LAMC3: variants seen among roughly 807,000 people sequenced by gnomAD.
The protein encoded by LAMC3 is laminin subunit gamma-3.
A neutral mutation model predicts 173.8 loss-of-function variants in LAMC3; 128 were observed. The ratio of observed to expected loss-of-function variants is 0.74; its 90% CI spans 0.64 to 0.85. The LOEUF is 0.85. Ranked by LOEUF, LAMC3 falls within the 40% of genes least tolerant of loss-of-function variation. The pLI is 0.00. For missense variants in LAMC3, 2,022 were observed against 2,156.0 expected (o/e 0.94, Z 1.23); for synonymous variants, 897 against 909.1 (o/e 0.99, Z 0.24).
chr9:131,064,058 C>A (rs558034760), intron 13 of LAMC3, among the ~76,000 whole-genome samples: 1 of 152,236 alleles, frequency 6.6e-6, no homozygotes, highest in African/African-American at 2.4e-5. Context: ...CAGGCATGCA[C>A]CACCATGCCC....
At chr9:131,035,057 TCTC>T (rs1453508613) in intron 3 of LAMC3, among the ~76,000 whole-genome samples, 1 of 152,180 alleles carries the variant, frequency 6.6e-6, no homozygotes, top group Non-Finnish European at 1.5e-5. Context: ...TCCAAGCAAT[TCTC>T]CTGCTTCAGC....
chr9:131,044,961 G>T (rs1834121385), intron 7 of LAMC3, among the ~76,000 whole-genome samples: 1 of 152,106 alleles, frequency 6.6e-6, no homozygotes, highest in African/African-American at 2.4e-5. Flanking sequence ...GGTGGCTCAA[G>T]CCTGAAATCC....
intron 1 of LAMC3, among the ~76,000 whole-genome samples, chr9:131,020,290 T>C (rs1423297542): frequency 6.6e-6 from 1 of 152,058 alleles, no homozygotes; most frequent in Non-Finnish European, 1.5e-5. Context: ...TTCTTGTTCT[T>C]CCTCTCCCAG....
At position 131,087,611 on chromosome 9, in the gene LAMC3, G is replaced by C. The variant is rs1409946447; in HGVS notation, c.4366G>C (p.Glu1456Gln). The change falls in exon 26 of 28, where the codon GAA becomes CAA. Residue 1456 changes from glutamate (E) to glutamine (Q), a missense_variant. Physicochemically the swap from Glu to Gln is conservative, Grantham distance 29. Coordinates refer to ENST00000361069, the MANE Select transcript of LAMC3 (RefSeq NM_006059.4). Reference sequence around the variant, plus strand: ...TGAAGCACGCAGACAGGAGCTGGAGGAAGCTGAGCGGGTACGTTTGCCAGG... The same window carrying C: ...TGAAGCACGCAGACAGGAGCTGGAGCAAGCTGAGCGGGTACGTTTGCCAGG... ...ASEARRQELE[E>Q]AERVGAGLSE... 6.2e-7 allele frequency: 1 copy of C among 1,613,982 alleles called. No homozygotes were observed. Among genetic ancestry groups the C allele is most frequent in the Admixed American group, 1.7e-5 (1 of 60,030 alleles).
intron 7 of LAMC3, among the ~76,000 whole-genome samples, chr9:131,043,896 T>C (rs1834100268): frequency 6.6e-6 from 1 of 151,710 alleles, no homozygotes; most frequent in Non-Finnish European, 1.5e-5. Context: ...TTGATACTCT[T>C]CCTCTAGGAG....
At chr9:131,059,139 T>C (rs1000400944) in intron 12 of LAMC3, among the ~76,000 whole-genome samples, 12 of 151,214 alleles carry the variant, frequency 7.9e-5, no homozygotes, top group African/African-American at 9.8e-5. Context: ...GAGGTTGTAG[T>C]GAGCCGGGAT....
At chr9:131,052,277 T>C (rs1354611264) in intron 9 of LAMC3, among the ~76,000 whole-genome samples, 1 of 152,182 alleles carries the variant, frequency 6.6e-6, no homozygotes, top group Non-Finnish European at 1.5e-5. Context: ...GTGAAGATGG[T>C]CACAGCAGAG....
In LAMC3 at chr9:131,091,492, G is replaced by A. The variant is rs777400811; in HGVS notation, c.4478-45G>A. 8 of 1,555,354 alleles carry A rather than the reference G, an allele frequency of 5.1e-6. No individual in the cohort carries two copies. The Admixed American group carries it at 9.6e-5, about 19-fold the overall frequency. ...GGGGCTGGGAGGTGCCCTGGGGCCTGCAGGGCTGCTGGCTCACAGTGAGGC... is the reference window on the plus strand; with the variant it reads ...GGGGCTGGGAGGTGCCCTGGGGCCTACAGGGCTGCTGGCTCACAGTGAGGC... On this transcript the variant is annotated intron_variant, in intron 27 of 27. Transcript: ENST00000361069.
rs767643127 is a variant in LAMC3 at position 131,075,841 on chromosome 9, A to ACCGCCACCAAGATCGCAG, written c.3508_3525dup (p.Ala1170_Ala1175dup). On this transcript the variant is annotated inframe_insertion, in exon 21 of 28. Coordinates refer to ENST00000361069, the MANE Select transcript of LAMC3 (RefSeq NM_006059.4). ...GGTGTCCTCACACAGCCACAGAGAC[A>ACCGCCACCAAGATCGCAG]CCGCCACCAAGATCGCAGCCACTGC... 1.3e-4 allele frequency: 210 copies of ACCGCCACCAAGATCGCAG among 1,611,442 alleles called. No individual in the cohort carries two copies. The highest frequency in any genetic ancestry group is 1.6e-4 in the Non-Finnish European group (194 of 1,179,216).
Position 131,069,823 on chromosome 9 carries a change from G to C in LAMC3, c.3042G>C (p.Pro1014=). Residue 1014 remains proline (P), a synonymous_variant, in exon 17 of 28, where the codon CCG becomes CCC. Transcript: ENST00000361069. ...TADGTHCQQC[P]SCYALVKEEA... Reference sequence around the variant, plus strand: ...ACGGCACACACTGCCAGCAATGTCCGTCCTGCTACGCCCTGGTGAAGGAGG... The same window carrying C: ...ACGGCACACACTGCCAGCAATGTCCCTCCTGCTACGCCCTGGTGAAGGAGG... The C allele has an allele frequency of 1.9e-6, 3 of 1,592,624 alleles. No homozygotes were observed. Among genetic ancestry groups the C allele is most frequent in the Non-Finnish European group, 2.6e-6 (3 of 1,169,272 alleles).
intron 4 of LAMC3, among the ~76,000 whole-genome samples, chr9:131,037,447 G>A (rs991449329): frequency 2.0e-5 from 3 of 152,068 alleles, no homozygotes; most frequent in Non-Finnish European, 4.4e-5. Context: ...TCCTCTCCCT[G>A]CACACCCGAA....
intron 3 of LAMC3, among the ~76,000 whole-genome samples, chr9:131,032,570 C>A (rs1463922092): frequency 7.8e-6 from 1 of 128,944 alleles, no homozygotes; most frequent in South Asian, 2.4e-4. Context: ...CTCTCTCTTG[C>A]TCTCTCTCGC....
In LAMC3 at chr9:131,073,263, C is replaced by A. The variant is rs1301685525; in HGVS notation, c.3436C>A (p.Pro1146Thr). The A allele has an allele frequency of 1.9e-6, 3 of 1,613,420 alleles. No homozygotes were observed. Among genetic ancestry groups the A allele is most frequent in the Admixed American group, 1.7e-5 (1 of 60,000 alleles). Reference protein sequence around the residue: ...LASLEIPQEGPSQPTKWSHLA... With the variant: ...LASLEIPQEGTSQPTKWSHLA... ...TCTACAGGAGATTCCTCAGGAAGGT[C>A]CCAGTCAGCCGACCAAATGGAGCCA... is the stretch of plus-strand genomic sequence containing the variant. The change falls in exon 20 of 28, where the codon CCC becomes ACC. Residue 1146 changes from proline (P) to threonine (T), a missense_variant. Physicochemically the swap from Pro to Thr is conservative, Grantham distance 38 (BLOSUM62 -1). Transcript: ENST00000361069.
chr9:131,014,401 C>G (rs1430136675), intron 1 of LAMC3, among the ~76,000 whole-genome samples: 2 of 152,256 alleles, frequency 1.3e-5, no homozygotes, highest in African/African-American at 4.8e-5. Context: ...TGTCTGTCTG[C>G]CCCACTCAGC....
intron 1 of LAMC3, among the ~76,000 whole-genome samples, chr9:131,012,516 T>C (rs1318616047): frequency 6.6e-6 from 1 of 152,224 alleles, no homozygotes; most frequent in Non-Finnish European, 1.5e-5. Context: ...CCGCCCTGCC[T>C]CCTCAAAGAC....
Position 131,049,036 on chromosome 9 carries a change from G to T in LAMC3, c.1536G>T (p.Trp512Cys). The T allele has an allele frequency of 6.4e-7, 1 of 1,550,506 alleles. No homozygotes were observed. The highest frequency in any genetic ancestry group is 8.7e-7 in the Non-Finnish European group (1 of 1,146,222). ...SDFHQGAEGW[W>C]ARSVGGSEHP... ...GCTGTCTAGGAGCCGAAGGCTGGTG[G>T]GCCAGAAGTGTGGGGGGCTCTGAGC... The change falls in exon 9 of 28, where the codon TGG (tryptophan) becomes TGT (cysteine). Residue 512 changes from tryptophan (W) to cysteine (C), a missense_variant. Physicochemically the swap from Trp to Cys is radical, Grantham distance 215. Coordinates refer to ENST00000361069, the MANE Select transcript of LAMC3 (RefSeq NM_006059.4).
chr9:131,044,541 G>A (rs975206727), intron 7 of LAMC3, among the ~76,000 whole-genome samples: 9 of 152,104 alleles, frequency 5.9e-5, no homozygotes, highest in Non-Finnish European at 1.2e-4. Flanking sequence ...GAGCCACCGC[G>A]TCCGGCCTAT....
chr9:131,018,072 C>G (rs1358054204), intron 1 of LAMC3, among the ~76,000 whole-genome samples: 2 of 151,624 alleles, frequency 1.3e-5, no homozygotes, highest in Non-Finnish European at 2.9e-5. Flanking sequence ...TTAATCCCTC[C>G]TTTGTGATGA....
chr9:131,073,944 C>CTTTTTTTTTTTTTTTT (rs57877574), intron 20 of LAMC3, among the ~76,000 whole-genome samples: 3 of 90,808 alleles, frequency 3.3e-5, no homozygotes, highest in African/African-American at 1.3e-4. Flanking sequence ...CTTTTCTTTT[C>CTTTTTTTTTTTTTTTT]TTTTTTTTTT....
Sources: allele counts gnomAD v4.1 joint callset (sites outside exome capture counted in the v4.1 genomes callset), GRCh38; gene constraint gnomAD v4.1.1; transcripts MANE v1.5; gene names NCBI Gene and HGNC (gene_info 2026-07-23, HGNC 2026-07-21).